NOS1: variants seen among roughly 807,000 people sequenced by gnomAD.
NOS1 encodes NOS type I.
NOS1 carries 51 observed loss-of-function variants against 164.5 expected under a neutral mutation model. The ratio of observed to expected loss-of-function variants is 0.31; its 90% CI spans 0.25 to 0.39. The LOEUF (loss-of-function observed/expected upper bound fraction) is 0.39, where lower values mean the gene tolerates loss of function less well. Ranked by LOEUF, NOS1 falls within the 10% of genes least tolerant of loss-of-function variation. The probability of loss-of-function intolerance (pLI) is 1.00; values close to 1 mark genes in which losing one functional copy is unlikely to be tolerated. For synonymous variants in NOS1, 719 were observed against 745.8 expected (o/e 0.96, Z 0.59); for missense variants, 1,362 against 1,885.6 (o/e 0.72, Z 5.14).
chr12:117,209,794 G>C lies in NOS1; in HGVS notation c.*5515C>G. 6.1e-6 allele frequency: 6 copies of C among 985,486 alleles called. No homozygotes were observed. Among genetic ancestry groups the C allele is most frequent in the Non-Finnish European group, 7.2e-6 (6 of 829,962 alleles). The allele number at this position is 985,486 out of a possible 1,614,324, so 61.0% of individuals were successfully genotyped here. On this transcript the variant is annotated 3_prime_UTR_variant, in exon 29 of 29. Coordinates refer to ENST00000317775, the MANE Select transcript of NOS1 (RefSeq NM_000620.5). ...TCTTTTGGGGCCCCTTTGCCACAAG[G>C]CAGGGACTGGCAGTGGGCCAAGGAT...
At chr12:117,226,134 C>T (rs763333886) in intron 24 of NOS1, among the ~76,000 whole-genome samples, 2 of 152,140 alleles carry the variant, frequency 1.3e-5, no homozygotes, top group Admixed American at 6.5e-5. Context: ...TGGATCATAT[C>T]GTGAACATTC....
chr12:117,254,657 A>ATTTAACTCC (rs1209756086), intron 16 of NOS1, among the ~76,000 whole-genome samples: 262 of 152,322 alleles, frequency 1.7e-3, no homozygotes, highest in African/African-American at 6.1e-3. Context: ...TGTGGTTGGT[A>ATTTAACTCC]CACTGCAAAC....
At chr12:117,282,703 C>T (rs1297494653) in intron 7 of NOS1, among the ~76,000 whole-genome samples, 1 of 152,234 alleles carries the variant, frequency 6.6e-6, no homozygotes, top group East Asian at 1.9e-4. Flanking sequence ...GATCTCTTAA[C>T]AGAGGCGCCA....
Position 117,259,083 on chromosome 12 carries a change from A to G in NOS1, c.2415T>C (p.Thr805=). 3 of 1,614,178 alleles carry G rather than the reference A, an allele frequency of 1.9e-6. No individual in the cohort carries two copies. Among genetic ancestry groups the G allele is most frequent in the Non-Finnish European group, 2.5e-6 (3 of 1,180,030 alleles). The part of the protein sequence containing the change: ...EYDIVHLEHE[T]LVLVVTSTFG... ...AGGTGCTGGTGACCACAAGGACCAG[A>G]GTTTCATGTTCCAGGTGCACAATGT... is the stretch of plus-strand genomic sequence containing the variant. Residue 805 remains threonine (T), a synonymous_variant, in exon 15 of 29, where the codon ACT becomes ACC. Transcript: ENST00000317775.
chr12:117,292,001 G>T (rs1566062009), intron 3 of NOS1, among the ~76,000 whole-genome samples: 1 of 152,200 alleles, frequency 6.6e-6, no homozygotes, highest in Non-Finnish European at 1.5e-5. Context: ...ATGAGCCAAT[G>T]TTAAGTGACA....
At chr12:117,284,515 T>C (rs1873944018) in intron 7 of NOS1, among the ~76,000 whole-genome samples, 1 of 152,198 alleles carries the variant, frequency 6.6e-6, no homozygotes, top group Admixed American at 6.5e-5. Flanking sequence ...AGAAACTGCC[T>C]TTTAAACCAA....
intron 17 of NOS1, 69 bp from the exon 18 acceptor site, chr12:117,247,591 G>T: frequency 7.2e-7 from 1 of 1,383,446 alleles, no homozygotes; most frequent in East Asian, 2.5e-5. Context: ...CTGGTGTAAT[G>T]GGCTAAACTG....
chr12:117,209,364 G>C lies in NOS1; in HGVS notation c.*5945C>G. 1.0e-6 allele frequency: 1 copy of C among 982,404 alleles called. No individual in the cohort carries two copies. The highest frequency in any genetic ancestry group is 1.7e-5 in the African/African-American group (1 of 57,308). 60.9% of individuals were successfully genotyped at this position (982,404 alleles called of 1,614,324 possible). On this transcript the variant is annotated 3_prime_UTR_variant, in exon 29 of 29. Transcript: ENST00000317775. Reference sequence around the variant, plus strand: ...TACCCAAGACGGCCCCCACAAGAAAGAATTACCCAGCCCCAAATGCCAATA... The same window carrying C: ...TACCCAAGACGGCCCCCACAAGAAACAATTACCCAGCCCCAAATGCCAATA...
At chr12:117,310,113 G>T (rs1874358841) in intron 3 of NOS1, among the ~76,000 whole-genome samples, 1 of 152,146 alleles carries the variant, frequency 6.6e-6, no homozygotes, top group South Asian at 2.1e-4. Flanking sequence ...TTGCCATGTT[G>T]CCCAGGCTGG....
chr12:117,281,519 CAAAAAAAAAA>C (rs56248436), intron 7 of NOS1, among the ~76,000 whole-genome samples: 1 of 50,852 alleles, frequency 2.0e-5, no homozygotes, highest in Non-Finnish European at 3.2e-5. Context: ...GACTCCATCT[CAAAAAAAAAA>C]AAAAAAAAAA....
chr12:117,285,061 T>A (rs1391561393), intron 7 of NOS1, among the ~76,000 whole-genome samples, 180 bp downstream of exon 7: 161 of 97,958 alleles, frequency 1.6e-3, no homozygotes, highest in East Asian at 4.3e-3. Context: ...AAAAAAAAAA[T>A]AAATAAATAA....
At chr12:117,227,852 C>A (rs1393890094) in intron 22 of NOS1, among the ~76,000 whole-genome samples, 4 of 152,052 alleles carry the variant, frequency 2.6e-5, no homozygotes, top group Admixed American at 2.0e-4. Flanking sequence ...CATAGTAAGA[C>A]CCTGTCTCTA....
At chr12:117,339,817 T>G (rs1259707616) in intron 1 of NOS1, among the ~76,000 whole-genome samples, 1 of 152,190 alleles carries the variant, frequency 6.6e-6, no homozygotes, top group Admixed American at 6.5e-5. Flanking sequence ...TATAAGTCCA[T>G]CCTACAGCTT....
chr12:117,296,520 C>T (rs1039706660), intron 3 of NOS1, among the ~76,000 whole-genome samples: 2 of 152,222 alleles, frequency 1.3e-5, no homozygotes, highest in Non-Finnish European at 2.9e-5. Flanking sequence ...GTGCTGGATG[C>T]TTCCTGCGCT....
chr12:117,292,435 G>A (rs1431872726), intron 3 of NOS1, among the ~76,000 whole-genome samples: 1 of 152,194 alleles, frequency 6.6e-6, no homozygotes, highest in Non-Finnish European at 1.5e-5. Flanking sequence ...CTGGCTTGGA[G>A]GAGCTCAGGC....
At chr12:117,266,770 T>G (rs1209515816) in intron 11 of NOS1, among the ~76,000 whole-genome samples, 1 of 152,058 alleles carries the variant, frequency 6.6e-6, no homozygotes. Flanking sequence ...ACTCCTGACC[T>G]CAAATGATCC....
In NOS1 at chr12:117,209,219, G is replaced by T; in HGVS notation, c.*6090C>A. 7.1e-6 allele frequency: 7 copies of T among 985,352 alleles called. No individual in the cohort carries two copies. Among genetic ancestry groups the T allele is most frequent in the Non-Finnish European group, 8.4e-6 (7 of 829,880 alleles). 61.0% of individuals were successfully genotyped at this position (985,352 alleles called of 1,614,324 possible). ...CTTGACCCTGAAGTCCAAGAGAGGG[G>T]TGTTGCCCCCTGGGGACATTGGGCA... On this transcript the variant is annotated 3_prime_UTR_variant, in exon 29 of 29. Transcript: ENST00000317775.
Position 117,215,235 on chromosome 12 carries a change from G to T in NOS1, c.*74C>A. On this transcript the variant is annotated 3_prime_UTR_variant, in exon 29 of 29. Transcript: ENST00000317775. ...AGGAGGCAGAGCGAGGGCCACAGGG[G>T]GTCCCAGAGGAAAGGTTCAGCAGTG... 1.4e-6 allele frequency: 2 copies of T among 1,425,128 alleles called. No homozygotes were observed. The highest frequency in any genetic ancestry group is 2.5e-5 in the East Asian group (1 of 39,230). 88.3% of individuals were successfully genotyped at this position (1,425,128 alleles called of 1,614,324 possible).
chr12:117,298,964 A>G (rs1873609394), intron 3 of NOS1, among the ~76,000 whole-genome samples: 3 of 152,262 alleles, frequency 2.0e-5, no homozygotes, highest in Non-Finnish European at 4.4e-5. Context: ...CCTCTATTAG[A>G]GGCCTGCAGC....
Sources: allele counts gnomAD v4.1 joint callset (sites outside exome capture counted in the v4.1 genomes callset), GRCh38; gene constraint gnomAD v4.1.1; transcripts MANE v1.5; gene names NCBI Gene and HGNC (gene_info 2026-07-23, HGNC 2026-07-21).